The following TTC39A variants were observed in gnomAD, a reference collection of about 807,000 sequenced individuals.
TTC39A encodes the protein tetratricopeptide repeat domain 39A, also known as tetratricopeptide repeat protein 39A.
A neutral mutation model predicts 82.3 loss-of-function variants in TTC39A; 46 were observed. The observed-to-expected ratio is 0.56, with a 90% CI of 0.44 to 0.71. TTC39A has a LOEUF of 0.71. TTC39A is among the 30% of genes least tolerant of loss of function. The pLI is 0.00. For missense variants in TTC39A, 543 were observed against 712.9 expected (o/e 0.76, Z 2.71); for synonymous variants, 254 against 275.2 (o/e 0.92, Z 0.76).
At chr1:51,334,399 A>C (rs1369619416), upstream of TTC39A, among the ~76,000 whole-genome samples, 1 of 152,122 alleles carries the variant, frequency 6.6e-6, no homozygotes, top group East Asian at 1.9e-4. Flanking sequence ...GCTACATGGG[A>C]GGCTAAGGCA....
chr1:51,321,779 C>A lies in TTC39A; in HGVS notation c.88G>T (p.Ala30Ser). The change falls in exon 2 of 18, where the codon GCC becomes TCC. Residue 30 changes from alanine to serine, a missense_variant. By Grantham distance (99) the Ala-to-Ser change is moderately conservative (BLOSUM62 1). Transcript: ENST00000680483. This position sits in a 1 kb window ranked among gnomAD's most constrained non-coding sequence, Gnocchi z 4.6. The stretch of plus-strand genomic sequence containing the variant: ...TGGTTGGTGAGGAAGAGGTCCAGGG[C>A]GGTCATGCACTGGTCCAGGGCCTCA... ...LHEALDQCMT[A>S]LDLFLTNQFS... The A allele has an allele frequency of 3.7e-6, 6 of 1,613,916 alleles. No homozygotes were observed. Among genetic ancestry groups the A allele is most frequent in the Non-Finnish European group, 3.4e-6 (4 of 1,179,860 alleles).
upstream of TTC39A, chr1:51,331,249 C>T: frequency 1.9e-6 from 3 of 1,549,150 alleles, no homozygotes; most frequent in Non-Finnish European, 8.7e-7. Flanking sequence ...CCCCTGCATT[C>T]CCAGTGCCTG....
chr1:51,320,430 T>C (rs1394698845), intron 2 of TTC39A, among the ~76,000 whole-genome samples: 291 of 145,076 alleles, frequency 2.0e-3, no homozygotes, highest in African/African-American at 7.1e-3. Flanking sequence ...TTTTTTTTTT[T>C]TTTTTTGAGA....
At chr1:51,300,795 C>T (rs1357443043) in intron 12 of TTC39A, 5 of 152,258 alleles carry the variant, frequency 3.3e-5, no homozygotes, top group African/African-American at 1.2e-4. Context: ...TGTGGAACCA[C>T]CCCTCTCCTA....
At chr1:51,343,696 C>A (rs1646063682) in intron 1 of TTC39A, among the ~76,000 whole-genome samples, 1 of 152,214 alleles carries the variant, frequency 6.6e-6, no homozygotes, top group South Asian at 2.1e-4. Context: ...GCCCAGCACA[C>A]AAGTGCTCAA....
intron 12 of TTC39A, chr1:51,298,115 TTACTGGAACCAGACATCGTGTTA>T (rs1644512268): frequency 6.6e-6 from 1 of 152,524 alleles, no homozygotes; most frequent in Admixed American, 6.5e-5. Flanking sequence ...TTCACTGCAC[TTACTGGAACCAGACATCGTGTTA>T]TATTGCCCAT....
At chr1:51,343,101 G>A in intron 1 of TTC39A, 1 of 455,820 alleles carries the variant, frequency 2.2e-6, no homozygotes, top group Non-Finnish European at 4.4e-6. Context: ...AAAGCCATGT[G>A]GCCAAGTGAT....
At chr1:51,333,313 T>C (rs537040154), upstream of TTC39A, among the ~76,000 whole-genome samples, 8 of 150,280 alleles carry the variant, frequency 5.3e-5, no homozygotes, top group African/African-American at 1.9e-4. Context: ...TTGGACCCCA[T>C]CCCCAAGATA....
At chr1:51,331,426 A>T, upstream of TTC39A, 2 of 1,433,830 alleles carry the variant, frequency 1.4e-6, no homozygotes, top group Non-Finnish European at 9.1e-7. Context: ...GACTCATCAG[A>T]GCATGTGGCT....
In TTC39A at chr1:51,294,569, G is replaced by T; in HGVS notation, c.1146-58C>A. Reference sequence around the variant, plus strand: ...GAAAAAGAGCAGGAGAGGGCAGAGGGTCCCCAGCCTACCCAGCTATGCTTG... The same window carrying T: ...GAAAAAGAGCAGGAGAGGGCAGAGGTTCCCCAGCCTACCCAGCTATGCTTG... On this transcript the variant is annotated intron_variant, in intron 13 of 17. Coordinates refer to ENST00000680483, the MANE Select transcript of TTC39A (RefSeq NM_001297663.2). The surrounding 1 kb of genome is among the most constrained non-coding windows in gnomAD (Gnocchi z 4.3). 1 of 1,606,880 alleles carries T rather than the reference G, an allele frequency of 6.2e-7. No homozygotes were observed. Among genetic ancestry groups the T allele is most frequent in the Non-Finnish European group, 8.5e-7 (1 of 1,176,872 alleles).
At chr1:51,340,961 C>CT (rs1646028869) in intron 1 of TTC39A, among the ~76,000 whole-genome samples, 1 of 152,134 alleles carries the variant, frequency 6.6e-6, no homozygotes, top group Admixed American at 6.6e-5. Flanking sequence ...CACTTGAGGT[C>CT]AGGAGTTTGA....
intron 1 of TTC39A, among the ~76,000 whole-genome samples, chr1:51,337,855 A>G (rs941875127): frequency 9.9e-5 from 15 of 151,962 alleles, no homozygotes; most frequent in Non-Finnish European, 1.8e-4. Flanking sequence ...CCCTCTCCCT[A>G]TTAAACTAAG....
chr1:51,289,638 G>T (rs1190083108), intron 16 of TTC39A, among the ~76,000 whole-genome samples: 1 of 152,114 alleles, frequency 6.6e-6, no homozygotes, highest in Non-Finnish European at 1.5e-5. Context: ...TGTCCTCTCC[G>T]CTTTCCTTTA....
In TTC39A at chr1:51,289,382, C is replaced by T. The variant is rs547610140; in HGVS notation, c.1494-427G>A. Reference sequence around the variant, plus strand: ...CATCCAGGCCCTTCTCATTCTATCCCTCCTTTTTCATCTTCAATCTTTTCT... The same window carrying T: ...CATCCAGGCCCTTCTCATTCTATCCTTCCTTTTTCATCTTCAATCTTTTCT... On this transcript the variant is annotated intron_variant, in intron 16 of 17. Coordinates refer to ENST00000680483, the MANE Select transcript of TTC39A (RefSeq NM_001297663.2). Among the ~76,000 whole-genome samples, 14 of 152,268 alleles carry T rather than the reference C, an allele frequency of 9.2e-5. No individual in the cohort carries two copies. In the South Asian group the frequency reaches 2.7e-3, roughly 29 times the overall value.
chr1:51,339,056 G>A (rs1646005872), intron 1 of TTC39A, among the ~76,000 whole-genome samples: 1 of 152,204 alleles, frequency 6.6e-6, no homozygotes, highest in African/African-American at 2.4e-5. Flanking sequence ...ATCTGAGGAA[G>A]GACGTATCTT....
intron 12 of TTC39A, chr1:51,296,944 C>G (rs1480632875): frequency 6.6e-6 from 1 of 152,604 alleles, no homozygotes; most frequent in African/African-American, 2.4e-5. Flanking sequence ...CACGCCCCTT[C>G]CTCAGAAGTC....
intron 12 of TTC39A, chr1:51,296,998 C>A (rs1049501819): frequency 6.6e-6 from 1 of 152,542 alleles, no homozygotes; most frequent in African/African-American, 2.4e-5. Flanking sequence ...AGTGGCCAAG[C>A]CCCGAACCAC....
Position 51,322,080 on chromosome 1 carries a change from G to A in TTC39A, c.42-255C>T, listed in dbSNP as rs146025159. ...GTTGGAGGTGGGGGAGGGGCCAAGGGCAAGGTGCAAAGAGGCCTCAGGAAT... is the reference window on the plus strand; with the variant it reads ...GTTGGAGGTGGGGGAGGGGCCAAGGACAAGGTGCAAAGAGGCCTCAGGAAT... On this transcript the variant is annotated intron_variant, in intron 1 of 17. Transcript: ENST00000680483. 6,503 of 1,547,114 alleles carry A rather than the reference G, an allele frequency of 4.2e-3. 514 individuals are homozygous for A. The Admixed American group carries it at 0.12, about 28-fold the overall frequency.
rs987370695 is a variant in TTC39A at position 51,288,757 on chromosome 1, C to T, written c.1610+82G>A. 5 of 1,356,098 alleles carry T rather than the reference C, an allele frequency of 3.7e-6. No homozygotes were observed. The African/African-American group carries it at 5.8e-5, about 16-fold the overall frequency. 84.0% of individuals were successfully genotyped at this position (1,356,098 alleles called of 1,614,324 possible). A position where few individuals can be genotyped will look rare whatever the true frequency, so the allele number is the denominator to read the frequency against. On this transcript the variant is annotated intron_variant, in intron 17 of 17. Transcript: ENST00000680483. The surrounding 1 kb of genome is among the most constrained non-coding windows in gnomAD (Gnocchi z 4.8). The stretch of plus-strand genomic sequence containing the variant: ...CTTGCTAGCAACTCCACTCACTGCT[C>T]TCTGGGCAACTCTGTCCCCAGCCAG...
Sources: gnomAD v4.1 joint callset for allele counts (sites outside exome capture counted in the v4.1 genomes callset) on GRCh38, gnomAD v4.1.1 for gene constraint, Gnocchi (gnomAD v3.1) non-coding constraint, MANE v1.5 for transcripts, NCBI Gene and HGNC (gene_info 2026-07-23, HGNC 2026-07-21) for gene names.